Variants in ITGA8 observed in about 807,000 individuals in gnomAD.
ITGA8 encodes the protein integrin subunit alpha 8, also known as integrin alpha-8.
A neutral mutation model predicts 142.3 loss-of-function variants in ITGA8; 91 were observed. The ratio of observed to expected loss-of-function variants is 0.64; its 90% confidence interval spans 0.54 to 0.76. The LOEUF (loss-of-function observed/expected upper bound fraction) is 0.76. ITGA8 is among the 30% of genes least tolerant of loss of function. The probability of loss-of-function intolerance (pLI) is 0.00; values close to 1 mark genes in which losing one functional copy is unlikely to be tolerated. For missense variants in ITGA8, 1,406 were observed against 1,327.7 expected, an observed-to-expected ratio of 1.06 and a Z score of -0.92; for synonymous variants, 505 against 485.2, an observed-to-expected ratio of 1.04 and a Z score of -0.54.
chr10:15,646,781 G>C (rs1015180232), intron 12 of ITGA8, 65 bp downstream of exon 12: 42 of 1,209,040 alleles, frequency 3.5e-5, no homozygotes, highest in Non-Finnish European at 5.1e-5. Flanking sequence ...CTTTAAAACA[G>C]GCATGGTCTC....
At chr10:15,549,114 T>C (rs9333220) in intron 26 of ITGA8, among the ~76,000 whole-genome samples, 8,375 of 152,028 alleles carry the variant, frequency 0.055, 757 homozygotes, top group African/African-American at 0.19. Flanking sequence ...ACCTTTAATA[T>C]ATGAAATGTG....
intron 2 of ITGA8, among the ~76,000 whole-genome samples, chr10:15,701,444 C>T (rs1835161859): frequency 6.6e-6 from 1 of 152,010 alleles, no homozygotes; most frequent in East Asian, 1.9e-4. Flanking sequence ...TCCTCCATTT[C>T]TGGCCTTTGA....
chr10:15,674,413 C>G (rs912672919), intron 6 of ITGA8, among the ~76,000 whole-genome samples: 5 of 152,126 alleles, frequency 3.3e-5, no homozygotes, highest in Non-Finnish European at 7.3e-5. Context: ...TCATTTGTCT[C>G]AGACATTTTT....
intron 21 of ITGA8, chr10:15,596,844 T>G: frequency 5.4e-6 from 1 of 185,770 alleles, no homozygotes; most frequent in Non-Finnish European, 1.1e-5. Context: ...TTTGTCCTAA[T>G]TTGGTTATTT....
intron 27 of ITGA8, among the ~76,000 whole-genome samples, chr10:15,540,630 C>G (rs17137373): frequency 0.055 from 8,414 of 152,200 alleles, 756 homozygotes; most frequent in African/African-American, 0.19. Flanking sequence ...AGCCAAATGT[C>G]GTAACAAACA....
Position 15,628,196 on chromosome 10 carries a change from G to A in ITGA8, c.1400-11637C>T, listed in dbSNP as rs189129781. 8.8e-3 allele frequency among the ~76,000 whole-genome samples: 1,341 copies of A among 151,936 alleles called. 14 individuals carry two copies. Among genetic ancestry groups the A allele is most frequent in the Admixed American group, 0.017 (263 of 15,290 alleles). ...CCCTTGTTTAGCATATAATCAAGAA[G>A]TTAACAGTAAGTATAAGCAGCTGAG... On this transcript the variant is annotated intron_variant, in intron 13 of 29. Coordinates refer to ENST00000378076, the MANE Select transcript of ITGA8 (RefSeq NM_003638.3).
In ITGA8 at chr10:15,662,506, T is replaced by G. The variant is rs372159615; in HGVS notation, c.848-1584A>C. ...GGTACATGCCACTGTGCCTGGCTAGTTTTTGTATATTTTGTAGAGACAGGG... is the reference window on the plus strand; with the variant it reads ...GGTACATGCCACTGTGCCTGGCTAGGTTTTGTATATTTTGTAGAGACAGGG... On this transcript the variant is annotated intron_variant, in intron 8 of 29. Transcript: ENST00000378076. 2.0e-5 allele frequency among the ~76,000 whole-genome samples: 3 copies of G among 151,828 alleles called. No homozygotes were observed. In the East Asian group the frequency reaches 5.8e-4, roughly 30 times the overall value.
chr10:15,654,247 C>T (rs189982129), intron 11 of ITGA8, among the ~76,000 whole-genome samples: 5 of 152,310 alleles, frequency 3.3e-5, no homozygotes, highest in African/African-American at 9.6e-5. Context: ...TGGTTGCTTT[C>T]GGTCCTTTTG....
At chr10:15,633,656 G>A (rs769090859) in intron 13 of ITGA8, among the ~76,000 whole-genome samples, 3 of 152,092 alleles carry the variant, frequency 2.0e-5, no homozygotes, top group African/African-American at 7.2e-5. Context: ...CTGATCTCAG[G>A]TGATCTGCCC....
At chr10:15,618,665 C>T (rs956790843) in intron 13 of ITGA8, among the ~76,000 whole-genome samples, 1 of 152,130 alleles carries the variant, frequency 6.6e-6, no homozygotes, top group African/African-American at 2.4e-5. Flanking sequence ...TAAAAGCAGG[C>T]AGAGGAACGA....
At chr10:15,563,599 A>G (rs1328389419) in intron 25 of ITGA8, among the ~76,000 whole-genome samples, 1 of 152,168 alleles carries the variant, frequency 6.6e-6, no homozygotes, top group Non-Finnish European at 1.5e-5. Context: ...GTAAGCAGTA[A>G]TAGTAGTGGT....
At chr10:15,544,650 C>T (rs943480193) in intron 27 of ITGA8, among the ~76,000 whole-genome samples, 3 of 152,202 alleles carry the variant, frequency 2.0e-5, no homozygotes, top group African/African-American at 2.4e-5. Context: ...AGTTGGCTAA[C>T]GATCTGTGGT....
At chr10:15,568,365 G>C (rs771970157) in intron 25 of ITGA8, among the ~76,000 whole-genome samples, 14 of 152,212 alleles carry the variant, frequency 9.2e-5, no homozygotes, top group Non-Finnish European at 1.6e-4. Context: ...TTTCACCACT[G>C]TTTTTTAAAC....
chr10:15,627,068 G>A (rs1464766098), intron 13 of ITGA8, among the ~76,000 whole-genome samples: 1 of 152,064 alleles, frequency 6.6e-6, no homozygotes, highest in Non-Finnish European at 1.5e-5. Flanking sequence ...CACCCTAACT[G>A]CCCAGGATTC....
chr10:15,534,102 G>C (rs562746955), intron 27 of ITGA8, among the ~76,000 whole-genome samples: 1 of 152,052 alleles, frequency 6.6e-6, no homozygotes, highest in South Asian at 2.1e-4. Context: ...TAGAGTCAGG[G>C]TATCTCCATG....
intron 23 of ITGA8, among the ~76,000 whole-genome samples, chr10:15,580,888 C>T (rs10906931): frequency 0.28 from 43,046 of 151,988 alleles, 7,694 homozygotes; most frequent in Non-Finnish European, 0.41. Flanking sequence ...CTCTTTTTAC[C>T]GCTTCTATTG....
chr10:15,645,027 G>A (rs375167285), intron 12 of ITGA8, among the ~76,000 whole-genome samples: 4 of 148,744 alleles, frequency 2.7e-5, no homozygotes, highest in Admixed American at 6.7e-5. Flanking sequence ...GGGAGGTGGA[G>A]GTTGTGGTGA....
At chr10:15,598,683 G>A (rs960832603) in intron 20 of ITGA8, among the ~76,000 whole-genome samples, 2 of 152,248 alleles carry the variant, frequency 1.3e-5, no homozygotes, top group African/African-American at 4.8e-5. Context: ...CAATGAAACA[G>A]ACAAGTATGC....
At chr10:15,691,622 A>G (rs1418274969) in intron 2 of ITGA8, among the ~76,000 whole-genome samples, 1 of 152,158 alleles carries the variant, frequency 6.6e-6, no homozygotes, top group Non-Finnish European at 1.5e-5. Flanking sequence ...ATATTGCATG[A>G]TCTCCCTTAT....
Sources: allele counts gnomAD v4.1 joint callset (sites outside exome capture counted in the v4.1 genomes callset), GRCh38; gene constraint gnomAD v4.1.1; transcripts MANE v1.5; gene names NCBI Gene and HGNC (gene_info 2026-07-23, HGNC 2026-07-21).